CWF19L2: variants seen among roughly 807,000 people sequenced by gnomAD.
CWF19L2 encodes CWF19-like protein 2.
Under a neutral mutation model 111.7 loss-of-function variants are expected in CWF19L2, and 98 were observed. The observed-to-expected ratio is 0.88, with a 90% CI of 0.75 to 1.04. CWF19L2 has a LOEUF of 1.04. Ranked by LOEUF, CWF19L2 falls within the 50% of genes least tolerant of loss-of-function variation. The probability of loss-of-function intolerance (pLI) is 0.00; values close to 1 mark genes in which losing one functional copy is unlikely to be tolerated. For missense variants in CWF19L2, 1,101 were observed against 1,051.4 expected (o/e 1.05, Z -0.65); for synonymous variants, 351 against 342.9 (o/e 1.02, Z -0.26).
chr11:107,373,556 G>C lies in CWF19L2; in HGVS notation c.1872+16518C>G, dbSNP rs999622567. On this transcript the variant is annotated intron_variant, in intron 12 of 17. Coordinates refer to ENST00000282251, the MANE Select transcript of CWF19L2 (RefSeq NM_152434.3). ...GGTACTTCAACAGACCTGCAGCTGA[G>C]GGTCCTGTCTGTTAGAAGGAAAACT... Among the ~76,000 whole-genome samples, 6 of 116,420 alleles carry C rather than the reference G, an allele frequency of 5.2e-5. 2 individuals are homozygous for C. The highest frequency in any genetic ancestry group is 1.1e-4 in the Non-Finnish European group (6 of 52,518). The allele number at this position is 116,420 out of a possible 152,430, so 76.4% of individuals were successfully genotyped here. A position where few individuals can be genotyped will look rare whatever the true frequency, so the allele number is the denominator to read the frequency against.
rs1437836038 is a variant in CWF19L2 at position 107,445,983 on chromosome 11, C to G, written c.340-2934G>C. Among the ~76,000 whole-genome samples the G allele has an allele frequency of 2.0e-5, 3 of 152,146 alleles. No individual in the cohort carries two copies. The East Asian group carries it at 5.8e-4, about 29-fold the overall frequency. On this transcript the variant is annotated intron_variant, in intron 3 of 17. Transcript: ENST00000282251. ...AAGAAAAAAAAGAGCATCTTCTTTC[C>G]TGTTATCTGGACTAAGAGGCAATGC...
At chr11:107,414,252 G>A (rs1344126803) in intron 10 of CWF19L2, among the ~76,000 whole-genome samples, 3 of 151,908 alleles carry the variant, frequency 2.0e-5, no homozygotes, top group Non-Finnish European at 4.4e-5. Flanking sequence ...GGAGTACAGT[G>A]GTGCAATCAT....
At chr11:107,451,305 G>A (rs1005682630) in intron 3 of CWF19L2, among the ~76,000 whole-genome samples, 8 of 152,018 alleles carry the variant, frequency 5.3e-5, no homozygotes, top group South Asian at 2.1e-4. Flanking sequence ...TCAAAGTTAC[G>A]TAGAGATACA....
chr11:107,356,120 C>A (rs978337253), intron 12 of CWF19L2, among the ~76,000 whole-genome samples: 5 of 152,046 alleles, frequency 3.3e-5, no homozygotes, highest in African/African-American at 1.2e-4. Flanking sequence ...TGGTATTGTG[C>A]ACTTCTAAAT....
At chr11:107,404,495 C>T in intron 10 of CWF19L2, 1 of 738,824 alleles carries the variant, frequency 1.4e-6, no homozygotes, top group East Asian at 2.5e-5. Flanking sequence ...GGCGAGATGA[C>T]TGTATGGACT....
At chr11:107,394,623 C>G (rs991260281) in intron 10 of CWF19L2, among the ~76,000 whole-genome samples, 3 of 152,162 alleles carry the variant, frequency 2.0e-5, no homozygotes, top group Non-Finnish European at 4.4e-5. Flanking sequence ...TCTGAAATAT[C>G]TATTTAATCT....
intron 10 of CWF19L2, among the ~76,000 whole-genome samples, chr11:107,393,254 C>A (rs1860874992): frequency 2.0e-5 from 3 of 152,096 alleles, no homozygotes; most frequent in Admixed American, 2.0e-4. Flanking sequence ...CTATTAAAAT[C>A]TGATTATAAG....
At chr11:107,409,178 C>T (rs765527814) in intron 10 of CWF19L2, among the ~76,000 whole-genome samples, 1 of 151,022 alleles carries the variant, frequency 6.6e-6, no homozygotes, top group Non-Finnish European at 1.5e-5. Context: ...ACACAGTGAA[C>T]GATGCACCCA....
intron 12 of CWF19L2, among the ~76,000 whole-genome samples, chr11:107,354,661 C>T (rs1860209333): frequency 6.6e-6 from 1 of 152,128 alleles, no homozygotes; most frequent in Non-Finnish European, 1.5e-5. Flanking sequence ...TAATTTTGTG[C>T]ATGAAACAAA....
At chr11:107,438,247 G>A (rs1309572703) in intron 6 of CWF19L2, among the ~76,000 whole-genome samples, 1 of 152,182 alleles carries the variant, frequency 6.6e-6, no homozygotes, top group East Asian at 1.9e-4. Context: ...TGGGTTAGTT[G>A]TAATAAACTT....
At chr11:107,336,871 T>C (rs1859933258) in intron 14 of CWF19L2, among the ~76,000 whole-genome samples, 158 bp from the exon 15 acceptor site, 2 of 152,122 alleles carry the variant, frequency 1.3e-5, no homozygotes, top group African/African-American at 4.8e-5. Context: ...AACTCTGCAA[T>C]GTTATAGTTA....
At chr11:107,449,127 T>C (rs1861742915) in intron 3 of CWF19L2, among the ~76,000 whole-genome samples, 2 of 143,628 alleles carry the variant, frequency 1.4e-5, no homozygotes, top group African/African-American at 2.6e-5. Flanking sequence ...TGGGATGACA[T>C]TTTACAGTGC....
At chr11:107,379,477 GGATTCT>G (rs1860649068) in intron 12 of CWF19L2, among the ~76,000 whole-genome samples, 1 of 152,158 alleles carries the variant, frequency 6.6e-6, no homozygotes, top group East Asian at 1.9e-4. Flanking sequence ...TGTTCAAGAG[GGATTCT>G]GATTCTGATA....
At position 107,334,492 on chromosome 11, in the gene CWF19L2, T is replaced by C. The variant is rs12292457; in HGVS notation, c.2439+389A>G. Among the ~76,000 whole-genome samples, 661 of 152,306 alleles carry C rather than the reference T, an allele frequency of 4.3e-3. 3 individuals carry two copies. The highest frequency in any genetic ancestry group is 0.014 in the African/African-American group (587 of 41,568). On this transcript the variant is annotated intron_variant, in intron 16 of 17. Transcript: ENST00000282251. ...AAGAAAATGAGTTCCAAATTCAAAA[T>C]GGAACATCTAGGAAAATTTTTCTCT...
At chr11:107,427,715 C>T (rs1014571564) in intron 8 of CWF19L2, among the ~76,000 whole-genome samples, 1 of 152,076 alleles carries the variant, frequency 6.6e-6, no homozygotes, top group Admixed American at 6.6e-5. Context: ...GAAGACTGGA[C>T]AATTACATAT....
intron 12 of CWF19L2, among the ~76,000 whole-genome samples, chr11:107,362,092 A>C (rs1199491252): frequency 5.3e-5 from 8 of 152,100 alleles, no homozygotes; most frequent in African/African-American, 1.9e-4. Context: ...AGTCACTCCC[A>C]CCCAAATATT....
chr11:107,408,468 T>C (rs963952477), intron 10 of CWF19L2, among the ~76,000 whole-genome samples: 3 of 151,954 alleles, frequency 2.0e-5, no homozygotes, highest in African/African-American at 7.2e-5. Context: ...CATTTCACGA[T>C]GAATTTTATG....
At chr11:107,409,117 C>CT (rs1861121152) in intron 10 of CWF19L2, among the ~76,000 whole-genome samples, 1 of 151,110 alleles carries the variant, frequency 6.6e-6, no homozygotes, top group Non-Finnish European at 1.5e-5. Context: ...AAGACACAGT[C>CT]TAACAGTTCA....
intron 10 of CWF19L2, 34 bp from the exon 11 acceptor site, chr11:107,392,929 AT>A (rs754406784): frequency 4.0e-6 from 5 of 1,245,944 alleles, no homozygotes; most frequent in Non-Finnish European, 5.6e-6. Context: ...TATTGAAATT[AT>A]TGTGAAGAAT....
Sources: allele counts gnomAD v4.1 joint callset (sites outside exome capture counted in the v4.1 genomes callset), GRCh38; gene constraint gnomAD v4.1.1; transcripts MANE v1.5; gene names NCBI Gene and HGNC (gene_info 2026-07-23, HGNC 2026-07-21).